The following FGF16 variants were observed in gnomAD, a reference collection of about 807,000 sequenced individuals.
FGF16 encodes fibroblast growth factor 16.
In FGF16, 2 loss-of-function variants were observed where a neutral mutation model predicts 8.5. The observed-to-expected ratio is 0.24, with a 90% CI of 0.10 to 0.75. The LOEUF (loss-of-function observed/expected upper bound fraction) is 0.75, where lower values mean the gene tolerates loss of function less well. Ranked by LOEUF, FGF16 falls within the 30% of genes least tolerant of loss-of-function variation. FGF16 has a pLI of 0.74. For missense variants in FGF16, 79 were observed against 87.4 expected, an observed-to-expected ratio of 0.90 and a Z score of 0.38; for synonymous variants, 33 against 34.6, an observed-to-expected ratio of 0.95 and a Z score of 0.16.
chrX:77,448,054 C>A, intron 1 of FGF16, 106 bp downstream of exon 1: 1 of 297,131 alleles, frequency 3.4e-6, no homozygotes, highest in South Asian at 2.0e-4. Context: ...GGCTTGGTGT[C>A]GTCCGGGCCA....
intron 1 of FGF16, among the ~76,000 whole-genome samples, chrX:77,452,501 G>T (rs782604939): frequency 8.9e-6 from 1 of 112,570 alleles, no homozygotes; most frequent in Non-Finnish European, 1.9e-5. Flanking sequence ...AAACTTGGAG[G>T]ATTTCAGTGT....
rs1233249255 is a variant in FGF16, at chrX:77,456,652, A to G, written c.*130A>G. 1 of 641,268 alleles carries G rather than the reference A, an allele frequency of 1.6e-6. No individual in the cohort carries two copies. Among genetic ancestry groups the G allele is most frequent in the Admixed American group, 3.2e-5 (1 of 31,711 alleles). The allele number at this position is 641,268 out of a possible 1,213,427, so 52.8% of individuals were successfully genotyped here. A position where few individuals can be genotyped will look rare whatever the true frequency, so the allele number is the denominator to read the frequency against. ...ATAACAGAAAAGCACTTACTGTTGA[A>G]CTCAACCCAGCTGTTCCCTTGTTGT... On this transcript the variant is annotated 3_prime_UTR_variant, in exon 3 of 3. Transcript: ENST00000439435.
Position 77,456,412 on chromosome X carries a change from C to T in FGF16, c.514C>T (p.Arg172Trp). The T allele has an allele frequency of 1.7e-6, 2 of 1,209,969 alleles. No individual in the cohort carries two copies. The highest frequency in any genetic ancestry group is 2.2e-6 in the Non-Finnish European group (2 of 894,168). The change falls in exon 3 of 3, where the codon CGG becomes TGG. Residue 172 changes from arginine to tryptophan, a missense_variant. By Grantham distance (101) the Arg-to-Trp change is moderately radical (BLOSUM62 -3). Transcript: ENST00000439435. Reference sequence around the variant, plus strand: ...GGCCCTGAACAAAGATGGCTCACCCCGGGAGGGATACAGGACTAAACGACA... The same window carrying T: ...GGCCCTGAACAAAGATGGCTCACCCTGGGAGGGATACAGGACTAAACGACA... ...YVALNKDGSP[R>W]EGYRTKRHQK...
intron 1 of FGF16, among the ~76,000 whole-genome samples, chrX:77,450,419 T>C (rs1359509648): frequency 8.9e-6 from 1 of 112,385 alleles, no homozygotes; most frequent in African/African-American, 3.2e-5. Flanking sequence ...GCCAGGAGTA[T>C]TTCAATCACC....
In FGF16 at chrX:77,447,625, G is replaced by A. The variant is rs1447735596; in HGVS notation, c.-50G>A. The A allele has an allele frequency of 1.0e-5, 3 of 295,563 alleles. No homozygotes were observed. The highest frequency in any genetic ancestry group is 8.2e-5 in the African/African-American group (3 of 36,587). 24.4% of individuals were successfully genotyped at this position (295,563 alleles called of 1,213,427 possible). A position where few individuals can be genotyped will look rare whatever the true frequency, so the allele number is the denominator to read the frequency against. On this transcript the variant is annotated 5_prime_UTR_variant, in exon 1 of 3. Transcript: ENST00000439435. ...GAGGCAGTTCGCGCCCCGTGGCCCC[G>A]GCTCGGCCCGCGCGCGCCCAGCACA... is the stretch of plus-strand genomic sequence containing the variant.
At chrX:77,454,011 C>A in intron 1 of FGF16, 146 bp from the exon 2 acceptor site, 2 of 481,060 alleles carry the variant, frequency 4.2e-6, no homozygotes, top group Non-Finnish European at 7.3e-6. Flanking sequence ...ATTCTTGCCG[C>A]AAAAGATGGT....
In FGF16 at chrX:77,456,413, G is replaced by A. The variant is rs375350173; in HGVS notation, c.515G>A (p.Arg172Gln). 7 of 1,210,027 alleles carry A rather than the reference G, an allele frequency of 5.8e-6. No individual in the cohort carries two copies. The highest frequency in any genetic ancestry group is 1.8e-5 in the South Asian group (1 of 56,911). ...YVALNKDGSPREGYRTKRHQK... is the reference protein window; with the variant it reads ...YVALNKDGSPQEGYRTKRHQK... ...GCCCTGAACAAAGATGGCTCACCCC[G>A]GGAGGGATACAGGACTAAACGACAC... Residue 172 changes from arginine (R) to glutamine (Q), a missense_variant, in exon 3 of 3, where the codon CGG (arginine) becomes CAG (glutamine). Physicochemically the swap from Arg to Gln is conservative, Grantham distance 43 (BLOSUM62 1). Transcript: ENST00000439435.
intron 2 of FGF16, among the ~76,000 whole-genome samples, chrX:77,454,879 C>T (rs1179216386): frequency 9.9e-6 from 1 of 101,131 alleles, no homozygotes; most frequent in Non-Finnish European, 2.0e-5. Context: ...TCACTGCAAC[C>T]TCCACCTCCC....
At position 77,448,879 on chromosome X, in the gene FGF16, G is replaced by A. The variant is rs1290583453; in HGVS notation, c.274+931G>A. 1.8e-5 allele frequency among the ~76,000 whole-genome samples: 2 copies of A among 111,608 alleles called. 1 individual carries two copies. The highest frequency in any genetic ancestry group is 8.5e-3 in the Middle Eastern group (2 of 235). On this transcript the variant is annotated intron_variant, in intron 1 of 2. Coordinates refer to ENST00000439435, the MANE Select transcript of FGF16 (RefSeq NM_003868.3). Reference sequence around the variant, plus strand: ...TTCCAATTCTATACTAAGACATCATGGGGGGTTCTGTGACAGCTACCTTTG... The same window carrying A: ...TTCCAATTCTATACTAAGACATCATAGGGGGTTCTGTGACAGCTACCTTTG...
intron 1 of FGF16, among the ~76,000 whole-genome samples, chrX:77,450,567 G>A (rs1337182730): frequency 2.7e-5 from 3 of 112,840 alleles, no homozygotes; most frequent in African/African-American, 9.7e-5. Flanking sequence ...GGCTCATGCA[G>A]CTGCCTTGGT....
chrX:77,450,519 A>T (rs1557026593), intron 1 of FGF16, among the ~76,000 whole-genome samples: 2 of 112,631 alleles, frequency 1.8e-5, no homozygotes, highest in Non-Finnish European at 3.8e-5. Context: ...TTGGGAGCCA[A>T]ACTGAAGGAG....
At chrX:77,453,318 G>T (rs183452839) in intron 1 of FGF16, among the ~76,000 whole-genome samples, 1 of 111,557 alleles carries the variant, frequency 9.0e-6, no homozygotes, top group East Asian at 2.8e-4. Context: ...TCAGTTCTGG[G>T]TCCTTTTTCT....
intron 1 of FGF16, among the ~76,000 whole-genome samples, chrX:77,451,165 C>T: frequency 8.9e-6 from 1 of 111,837 alleles, no homozygotes; most frequent in Middle Eastern, 4.6e-3. Context: ...CTGGACACAA[C>T]CCAAGTGACT....
intron 2 of FGF16, among the ~76,000 whole-genome samples, chrX:77,454,785 A>C (rs782233713): frequency 9.7e-6 from 1 of 103,523 alleles, no homozygotes; most frequent in East Asian, 3.0e-4. Flanking sequence ...CCCCACCAAA[A>C]CAAGCTTTTT....
At chrX:77,455,383 C>A (rs1557027034) in intron 2 of FGF16, among the ~76,000 whole-genome samples, 1 of 111,847 alleles carries the variant, frequency 8.9e-6, no homozygotes, top group African/African-American at 3.3e-5. Flanking sequence ...TCCCAAAGGC[C>A]AAATGAAACA....
intron 2 of FGF16, among the ~76,000 whole-genome samples, chrX:77,455,635 C>T (rs1331671870): frequency 9.0e-6 from 1 of 111,501 alleles, no homozygotes; most frequent in Non-Finnish European, 1.9e-5. Flanking sequence ...TCCATGACAC[C>T]TAAGAGATAG....
intron 2 of FGF16, among the ~76,000 whole-genome samples, chrX:77,456,014 G>T (rs1285406872): frequency 8.9e-6 from 1 of 112,274 alleles, no homozygotes; most frequent in South Asian, 3.7e-4. Context: ...AGAGCCAGGT[G>T]ATGCCATCTC....
At chrX:77,456,197 T>C (rs782272561) in intron 2 of FGF16, 80 bp from the exon 3 acceptor site, 42 of 956,105 alleles carry the variant, frequency 4.4e-5, no homozygotes, top group Non-Finnish European at 5.8e-5. Context: ...CTATTGCTAT[T>C]TCAGGGTTTC....
At chrX:77,455,537 C>T (rs1277098258) in intron 2 of FGF16, among the ~76,000 whole-genome samples, 5 of 111,746 alleles carry the variant, frequency 4.5e-5, no homozygotes, top group African/African-American at 1.6e-4. Flanking sequence ...CTTAACCCTT[C>T]CAGGGGATCC....
Sources: allele counts gnomAD v4.1 joint callset (sites outside exome capture counted in the v4.1 genomes callset), GRCh38; gene constraint gnomAD v4.1.1; transcripts MANE v1.5; gene names NCBI Gene and HGNC (gene_info 2026-07-23, HGNC 2026-07-21).